The following CD44 variants were observed in gnomAD, a reference collection of about 807,000 sequenced individuals.
CD44 encodes CD44 antigen.
Under a neutral mutation model 88.8 loss-of-function variants are expected in CD44, and 49 were observed. That is an observed-to-expected ratio of 0.55 (90% CI 0.44 to 0.70). CD44 has a LOEUF of 0.70. Among genes scored for constraint, CD44 ranks in the 30% least tolerant of loss-of-function variants. CD44 has a pLI of 0.00. For missense variants in CD44, 883 were observed against 913.8 expected (o/e 0.97, Z 0.43); for synonymous variants, 325 against 312.3 (o/e 1.04, Z -0.43).
At chr11:35,187,440 AT>A (rs1001125553) in intron 4 of CD44, among the ~76,000 whole-genome samples, 5 of 151,684 alleles carry the variant, frequency 3.3e-5, no homozygotes, top group East Asian at 1.9e-4. Flanking sequence ...CCACTTTCAC[AT>A]TTTTTTTGGC....
intron 15 of CD44, among the ~76,000 whole-genome samples, chr11:35,216,927 C>G (rs1948875965): frequency 6.6e-6 from 1 of 152,218 alleles, no homozygotes; most frequent in South Asian, 2.1e-4. Flanking sequence ...GAAGCTTAGA[C>G]TGTGCTAGAC....
rs759396309 is a variant in CD44, at chr11:35,211,267, G to A, written c.1628G>A (p.Gly543Glu). ...ACAGATAGGAATGATGTCACAGGTG[G>A]AAGAAGAGACCCAAATCATTCTGAA... ...TSSNRNDVTG[G>E]RRDPNHSEGS... Residue 543 changes from glycine (G) to glutamate (E), a missense_variant, in exon 14 of 18, where the codon GGA becomes GAA. Around this residue, in one of 2 missense-constraint regions of CD44, gnomAD observed 631 missense variants for 590.9 expected, o/e 1.07. Coordinates refer to ENST00000428726, the MANE Select transcript of CD44 (RefSeq NM_000610.4). 5 of 1,613,804 alleles carry A rather than the reference G, an allele frequency of 3.1e-6. No individual in the cohort carries two copies. The South Asian group carries it at 4.4e-5, about 14-fold the overall frequency.
At chr11:35,207,919 CAGTT>C (rs1255165356) in intron 11 of CD44, among the ~76,000 whole-genome samples, 182 bp from the exon 12 acceptor site, 1 of 152,130 alleles carries the variant, frequency 6.6e-6, no homozygotes, top group Non-Finnish European at 1.5e-5. Context: ...CAAGGAAAGC[CAGTT>C]ACTTGTTGTG....
At chr11:35,162,026 A>C (rs979953274) in intron 1 of CD44, among the ~76,000 whole-genome samples, 10 of 152,188 alleles carry the variant, frequency 6.6e-5, no homozygotes, top group Admixed American at 6.5e-4. Context: ...ATCTGAAATT[A>C]CCGTATTCAT....
At chr11:35,222,409 C>T in intron 17 of CD44, 2 of 1,298,608 alleles carry the variant, frequency 1.5e-6, no homozygotes, top group Non-Finnish European at 2.0e-6. Context: ...AAGAAGAGCA[C>T]TGTTTCATCG....
chr11:35,211,201 T>C (rs1369788943), intron 13 of CD44, 45 bp from the exon 14 acceptor site: 2 of 1,446,674 alleles, frequency 1.4e-6, no homozygotes, highest in East Asian at 4.5e-5. Flanking sequence ...TGGTGGGTGG[T>C]GATCTTACAA....
intron 17 of CD44, among the ~76,000 whole-genome samples, chr11:35,224,698 A>G (rs969847841): frequency 1.9e-4 from 29 of 152,208 alleles, no homozygotes; most frequent in South Asian, 2.1e-4. Context: ...TGATAGTGCC[A>G]CTACAGCCTG....
intron 17 of CD44, among the ~76,000 whole-genome samples, chr11:35,228,560 G>A (rs75925667): frequency 0.025 from 3,831 of 152,286 alleles, 140 homozygotes; most frequent in African/African-American, 0.084. Flanking sequence ...TTTCCATTGT[G>A]AAGTAAGATA....
rs765265330 is a variant in CD44 at position 35,229,135 on chromosome 11, G to C, written c.2031G>C (p.Gly677=). 1 of 1,613,312 alleles carries C rather than the reference G, an allele frequency of 6.2e-7. No homozygotes were observed. Among genetic ancestry groups the C allele is most frequent in the Non-Finnish European group, 8.5e-7 (1 of 1,179,560 alleles). ...ACATTTTTTAAATTATTAGGTGTGG[G>C]CAGAAGAAAAAGCTAGTGATCAACA... ...CIAVNSRRRC[G]QKKKLVINSG... is the part of the protein sequence containing the mutation. The change falls in exon 18 of 18, where the codon GGG becomes GGC. Residue 677 remains glycine (G), a synonymous_variant. Transcript: ENST00000428726.
chr11:35,181,925 AT>A (rs1565080921), intron 3 of CD44, among the ~76,000 whole-genome samples: 23 of 55,038 alleles, frequency 4.2e-4, no homozygotes, highest in Admixed American at 9.5e-4. Flanking sequence ...TATATATTAT[AT>A]TATATATAAA....
At chr11:35,188,332 T>C (rs1278957815) in intron 4 of CD44, among the ~76,000 whole-genome samples, 1 of 152,212 alleles carries the variant, frequency 6.6e-6, no homozygotes, top group Non-Finnish European at 1.5e-5. Context: ...TCAGCAGGCC[T>C]GGTATGAAAT....
rs1179175587 is a variant in CD44, at chr11:35,211,571, C to G, written c.1810+122C>G. 12 of 677,664 alleles carry G rather than the reference C, an allele frequency of 1.8e-5. No individual in the cohort carries two copies. In the Admixed American group the frequency reaches 2.5e-4, roughly 14 times the overall value. The allele number at this position is 677,664 out of a possible 1,614,324, so 42.0% of individuals were successfully genotyped here. A position where few individuals can be genotyped will look rare whatever the true frequency, so the allele number is the denominator to read the frequency against. On this transcript the variant is annotated intron_variant, in intron 14 of 17. Transcript: ENST00000428726. ...GGACTAGTTTGTGATATGGAAATAT[C>G]TTTCATTATTGGTTATCAATTCTAG...
At chr11:35,148,274 C>A (rs1372726115) in intron 1 of CD44, among the ~76,000 whole-genome samples, 2 of 152,286 alleles carry the variant, frequency 1.3e-5, no homozygotes, top group Admixed American at 6.5e-5. Flanking sequence ...AGTCAAAAAA[C>A]CAGAATCTAA....
intron 7 of CD44, 93 bp from the exon 8 acceptor site, chr11:35,200,989 G>A: frequency 1.1e-6 from 1 of 890,168 alleles, no homozygotes; most frequent in South Asian, 1.3e-5. Flanking sequence ...ATGATTCATT[G>A]CATAGCCTAC....
intron 1 of CD44, among the ~76,000 whole-genome samples, chr11:35,162,485 C>T (rs1942754124): frequency 6.6e-6 from 1 of 152,312 alleles, no homozygotes; most frequent in South Asian, 2.1e-4. Context: ...TATGTTTGGC[C>T]TGCTTCAGCT....
At chr11:35,145,994 C>T (rs3794126) in intron 1 of CD44, among the ~76,000 whole-genome samples, 2,415 of 152,004 alleles carry the variant, frequency 0.016, 42 homozygotes, top group East Asian at 0.095. Context: ...GTTTTGTCTT[C>T]CCAAAGATTG....
chr11:35,219,599 A>G (rs1366932719), intron 16 of CD44, among the ~76,000 whole-genome samples: 1 of 152,214 alleles, frequency 6.6e-6, no homozygotes, highest in African/African-American at 2.4e-5. Flanking sequence ...TGGGTTCTGC[A>G]AACTAGCTGA....
intron 1 of CD44, among the ~76,000 whole-genome samples, chr11:35,146,602 A>C (rs1859226093): frequency 6.6e-6 from 1 of 152,218 alleles, no homozygotes; most frequent in Non-Finnish European, 1.5e-5. Context: ...TGTCTTTTAC[A>C]TATGAGGAAA....
In CD44 at chr11:35,146,365, G is replaced by A. The variant is rs950286949; in HGVS notation, c.67+6995G>A. ...AGCATCTGCTGTTGTGGCATTGCAA[G>A]TCTCCTTCGCAGTGCCTGAAAGTTC... is the stretch of plus-strand genomic sequence containing the variant. On this transcript the variant is annotated intron_variant, in intron 1 of 17. Transcript: ENST00000428726. Among the ~76,000 whole-genome samples the A allele has an allele frequency of 3.9e-5, 6 of 152,226 alleles. No individual in the cohort carries two copies. The East Asian group carries it at 7.7e-4, about 20-fold the overall frequency.
Sources: allele counts gnomAD v4.1 joint callset (sites outside exome capture counted in the v4.1 genomes callset), GRCh38; gene constraint gnomAD v4.1.1; regional missense constraint gnomAD v4.1.1; transcripts MANE v1.5; gene names NCBI Gene and HGNC (gene_info 2026-07-23, HGNC 2026-07-21).